Variants in MMP16 observed in about 807,000 individuals in gnomAD.
MMP16 encodes matrix metallopeptidase 16.
In MMP16, 12 loss-of-function variants were observed where a neutral mutation model predicts 67.8. The ratio of observed to expected loss-of-function variants is 0.18; its 90% CI spans 0.11 to 0.29. The LOEUF is 0.29. Among genes scored for constraint, MMP16 ranks in the 10% least tolerant of loss-of-function variants. MMP16 has a pLI of 1.00. For missense variants in MMP16, 475 were observed against 765.7 expected (o/e 0.62, Z 4.48); for synonymous variants, 249 against 255.9 (o/e 0.97, Z 0.26).
At chr8:88,113,872 G>A (rs928019154) in intron 6 of MMP16, among the ~76,000 whole-genome samples, 1 of 151,970 alleles carries the variant, frequency 6.6e-6, no homozygotes, top group Non-Finnish European at 1.5e-5. Context: ...CTAGCCTACA[G>A]TATGAGTGCA....
At chr8:88,125,687 T>C (rs1373671826) in intron 4 of MMP16, among the ~76,000 whole-genome samples, 1 of 151,982 alleles carries the variant, frequency 6.6e-6, no homozygotes, top group Non-Finnish European at 1.5e-5. Flanking sequence ...ATAAAAGTCT[T>C]GCTGAAGAAA....
chr8:88,112,374 A>T (rs953457585), intron 6 of MMP16, among the ~76,000 whole-genome samples: 41 of 151,782 alleles, frequency 2.7e-4, no homozygotes, highest in African/African-American at 9.4e-4. Context: ...ACAACAAAAT[A>T]ACTAAAATAT....
intron 6 of MMP16, among the ~76,000 whole-genome samples, chr8:88,103,147 C>T (rs761538595): frequency 4.0e-5 from 6 of 151,836 alleles, no homozygotes; most frequent in East Asian, 3.9e-4. Context: ...CATATCCCTT[C>T]GTACCTCCAG....
At chr8:88,182,370 A>G (rs1168249105) in intron 3 of MMP16, among the ~76,000 whole-genome samples, 1 of 152,154 alleles carries the variant, frequency 6.6e-6, no homozygotes, top group Non-Finnish European at 1.5e-5. Flanking sequence ...TAGGTAAATA[A>G]GCATATGAAA....
chr8:88,077,546 T>G (rs573996155), intron 6 of MMP16, among the ~76,000 whole-genome samples: 2 of 152,280 alleles, frequency 1.3e-5, no homozygotes, highest in South Asian at 4.1e-4. Flanking sequence ...GTTCATTCTC[T>G]CTCCACTAAA....
At chr8:88,263,420 A>G (rs1199256373) in intron 1 of MMP16, among the ~76,000 whole-genome samples, 2 of 152,178 alleles carry the variant, frequency 1.3e-5, no homozygotes, top group Non-Finnish European at 2.9e-5. Context: ...TCTATATGGA[A>G]AAATTCCCCA....
At chr8:88,321,288 C>CAT (rs1401882096) in intron 1 of MMP16, among the ~76,000 whole-genome samples, 1 of 152,028 alleles carries the variant, frequency 6.6e-6, no homozygotes, top group Non-Finnish European at 1.5e-5. Context: ...TATTTGTATA[C>CAT]ATATACAGAG....
intron 3 of MMP16, 106 bp downstream of exon 3, chr8:88,186,370 C>A: frequency 1.4e-6 from 2 of 1,401,602 alleles, no homozygotes; most frequent in Non-Finnish European, 9.9e-7. Flanking sequence ...CATTATATCC[C>A]TATATATTAA....
chr8:88,325,272 A>T (rs1415137449), intron 1 of MMP16, among the ~76,000 whole-genome samples: 1 of 152,196 alleles, frequency 6.6e-6, no homozygotes, highest in Non-Finnish European at 1.5e-5. Flanking sequence ...AAAGAAATAC[A>T]ATCTTTTATG....
intron 1 of MMP16, among the ~76,000 whole-genome samples, chr8:88,213,041 G>T (rs879708127): frequency 1.2e-4 from 19 of 152,126 alleles, no homozygotes; most frequent in Admixed American, 4.6e-4. Context: ...AAGTTTGGTT[G>T]AAAGCATTTT....
chr8:88,066,611 C>T (rs1350037392), intron 7 of MMP16, among the ~76,000 whole-genome samples: 1 of 151,748 alleles, frequency 6.6e-6, no homozygotes, highest in East Asian at 1.9e-4. Context: ...GTAAGAAAGC[C>T]CTGTGGGTTT....
intron 2 of MMP16, among the ~76,000 whole-genome samples, chr8:88,187,009 T>C (rs529177749): frequency 2.6e-5 from 4 of 152,332 alleles, no homozygotes; most frequent in Admixed American, 1.3e-4. Flanking sequence ...AAGATTATTC[T>C]AATCTATTAC....
intron 4 of MMP16, among the ~76,000 whole-genome samples, chr8:88,132,794 C>A (rs2118478529): frequency 6.6e-6 from 1 of 152,006 alleles, no homozygotes; most frequent in African/African-American, 2.4e-5. Flanking sequence ...CCAGAGGTGG[C>A]TCACTGGTGG....
rs1263130002 is a variant in MMP16, at chr8:88,032,801, C to A, written c.*8660G>T. ...CTTGCACACCTTAAAACTCATTCAGCAAATAAATGTGTTATTTATTTCTTT... is the reference window on the plus strand; with the variant it reads ...CTTGCACACCTTAAAACTCATTCAGAAAATAAATGTGTTATTTATTTCTTT... On this transcript the variant is annotated 3_prime_UTR_variant, in exon 10 of 10. Coordinates refer to ENST00000286614, the MANE Select transcript of MMP16 (RefSeq NM_005941.5). 6.6e-6 allele frequency: 1 copy of A among 151,996 alleles called. No individual in the cohort carries two copies. Among genetic ancestry groups the A allele is most frequent in the Non-Finnish European group, 1.5e-5 (1 of 67,976 alleles). The allele number at this position is 151,996 out of a possible 1,614,324, so 9.4% of individuals were successfully genotyped here. A position where few individuals can be genotyped will look rare whatever the true frequency, so the allele number is the denominator to read the frequency against.
rs149409670 is a variant in MMP16, at chr8:88,305,805, T to G, written c.132+21270A>C. ...CTAAAGCAGTGTTAAGGGGGAAATTTATAGCACTAAATGCCCACATCAAAA... is the reference window on the plus strand; with the variant it reads ...CTAAAGCAGTGTTAAGGGGGAAATTGATAGCACTAAATGCCCACATCAAAA... On this transcript the variant is annotated intron_variant, in intron 1 of 9. Transcript: ENST00000286614. Among the ~76,000 whole-genome samples, 951 of 152,214 alleles carry G rather than the reference T, an allele frequency of 6.2e-3. 6 individuals carry two copies. Among genetic ancestry groups the G allele is most frequent in the African/African-American group, 0.022 (903 of 41,544 alleles).
chr8:88,282,120 G>T (rs1487376932), intron 1 of MMP16, among the ~76,000 whole-genome samples: 1 of 147,662 alleles, frequency 6.8e-6, no homozygotes, highest in African/African-American at 2.6e-5. Context: ...TGTCATCTAG[G>T]CTGGAGTACA....
chr8:88,257,728 T>C (rs1810325468), intron 1 of MMP16, among the ~76,000 whole-genome samples: 2 of 152,208 alleles, frequency 1.3e-5, no homozygotes, highest in Admixed American at 1.3e-4. Context: ...TCTGACTAAA[T>C]GAACAAATAT....
chr8:88,303,465 G>C (rs1486969469), intron 1 of MMP16, among the ~76,000 whole-genome samples: 1 of 152,232 alleles, frequency 6.6e-6, no homozygotes, highest in Non-Finnish European at 1.5e-5. Flanking sequence ...AAAGCAGCCA[G>C]ACTGCTTCTT....
At chr8:88,086,259 C>T (rs191621858) in intron 6 of MMP16, among the ~76,000 whole-genome samples, 1 of 151,750 alleles carries the variant, frequency 6.6e-6, no homozygotes, top group Non-Finnish European at 1.5e-5. Context: ...AGTTTACCAT[C>T]GATGTACTGC....
Sources: allele counts gnomAD v4.1 joint callset (sites outside exome capture counted in the v4.1 genomes callset), GRCh38; gene constraint gnomAD v4.1.1; transcripts MANE v1.5; gene names NCBI Gene and HGNC (gene_info 2026-07-23, HGNC 2026-07-21).